GADL1: variants seen among roughly 807,000 people sequenced by gnomAD.
The protein encoded by GADL1 is GAD like acidic amino acid decarboxylase 1, also known as acidic amino acid decarboxylase GADL1.
Under a neutral mutation model 69.5 loss-of-function variants are expected in GADL1, and 71 were observed. That is an observed-to-expected ratio of 1.02 (90% CI 0.84 to 1.25). The LOEUF is 1.25. Ranked by LOEUF, GADL1 falls within the 50% of genes most tolerant of loss-of-function variation. The probability of loss-of-function intolerance (pLI) is 0.00; values close to 1 mark genes in which losing one functional copy is unlikely to be tolerated. For missense variants in GADL1, 737 were observed against 631.8 expected, an observed-to-expected ratio of 1.17 and a Z score of -1.79; for synonymous variants, 254 against 214.4, an observed-to-expected ratio of 1.18 and a Z score of -1.62.
intron 14 of GADL1, among the ~76,000 whole-genome samples, chr3:30,740,311 T>C (rs906432243): frequency 3.9e-5 from 6 of 152,296 alleles, no homozygotes; most frequent in African/African-American, 1.4e-4. Flanking sequence ...AACTGCAAAA[T>C]AGCCCTCAAG....
rs1468189287 is a variant in GADL1, at chr3:30,727,166, A to C, written c.*1076T>G. ...ATATGTATATATGTATATCACAGAA[A>C]CATATATATTTCCCAAATTTTTCTT... is the stretch of plus-strand genomic sequence containing the variant. On this transcript the variant is annotated 3_prime_UTR_variant, in exon 15 of 15. Coordinates refer to ENST00000282538, the MANE Select transcript of GADL1 (RefSeq NM_207359.3). 2.0e-5 allele frequency: 2 copies of C among 101,130 alleles called. No individual in the cohort carries two copies. Among genetic ancestry groups the C allele is most frequent in the Non-Finnish European group, 4.0e-5 (2 of 50,388 alleles). The allele number at this position is 101,130 out of a possible 1,614,324, so 6.3% of individuals were successfully genotyped here. A position where few individuals can be genotyped will look rare whatever the true frequency, so the allele number is the denominator to read the frequency against.
intron 3 of GADL1, among the ~76,000 whole-genome samples, chr3:30,856,048 C>T (rs189159844): frequency 6.6e-6 from 1 of 151,932 alleles, no homozygotes; most frequent in East Asian, 1.9e-4. Flanking sequence ...GAAAAATCTA[C>T]TGCATTAAAT....
chr3:30,790,086 GC>G (rs1462252322), intron 12 of GADL1, among the ~76,000 whole-genome samples: 1 of 152,116 alleles, frequency 6.6e-6, no homozygotes, highest in African/African-American at 2.4e-5. Flanking sequence ...TCCTCACTAA[GC>G]TTTAACCATT....
intron 13 of GADL1, among the ~76,000 whole-genome samples, chr3:30,781,185 A>C (rs1696656801): frequency 1.3e-5 from 2 of 152,188 alleles, no homozygotes; most frequent in Admixed American, 6.5e-5. Context: ...ATCTTTAAAA[A>C]ATTCATGATA....
At chr3:30,891,105 C>G (rs1176202440) in intron 1 of GADL1, among the ~76,000 whole-genome samples, 1 of 151,512 alleles carries the variant, frequency 6.6e-6, no homozygotes, top group Non-Finnish European at 1.5e-5. Context: ...TCTGCCTGCT[C>G]CCAGGGTACT....
intron 1 of GADL1, among the ~76,000 whole-genome samples, chr3:30,862,603 AT>A (rs748894434): frequency 2.0e-5 from 3 of 152,008 alleles, no homozygotes; most frequent in African/African-American, 7.2e-5. Flanking sequence ...CAAGGAAGAG[AT>A]AATGCATTTC....
At chr3:30,834,374 A>G (rs1424685241) in intron 9 of GADL1, 93 bp from the exon 10 acceptor site, 1 of 944,796 alleles carries the variant, frequency 1.1e-6, no homozygotes, top group Non-Finnish European at 1.7e-6. Flanking sequence ...GAGGACCTCA[A>G]TCTGCATTAT....
At chr3:30,762,851 T>C (rs997577398) in intron 14 of GADL1, among the ~76,000 whole-genome samples, 2 of 148,012 alleles carry the variant, frequency 1.4e-5, no homozygotes, top group African/African-American at 2.5e-5. Flanking sequence ...TAGTCTTTCT[T>C]TTCCTTGCTT....
Position 30,839,050 on chromosome 3 carries a change from G to C in GADL1, c.850C>G (p.Leu284Val). 6.2e-7 allele frequency: 1 copy of C among 1,607,644 alleles called. No individual in the cohort carries two copies. The highest frequency in any genetic ancestry group is 8.5e-7 in the Non-Finnish European group (1 of 1,177,524). ...TCGCAGATGTCTGCTATTTCATCCA[G>C]AGGGTCAAAAGCTCCCAACACAGTT... is the stretch of plus-strand genomic sequence containing the variant. ...GTTVLGAFDP[L>V]DEIADICERH... Residue 284 changes from leucine to valine, a missense_variant, in exon 9 of 15, where the codon CTG becomes GTG. By Grantham distance (32) the Leu-to-Val change is conservative (BLOSUM62 1). Coordinates refer to ENST00000282538, the MANE Select transcript of GADL1 (RefSeq NM_207359.3).
chr3:30,751,160 A>G (rs1450328219), intron 14 of GADL1, among the ~76,000 whole-genome samples: 1 of 152,130 alleles, frequency 6.6e-6, no homozygotes, highest in Non-Finnish European at 1.5e-5. Context: ...ATAACAAGAC[A>G]GGAGTTTCCA....
intron 14 of GADL1, among the ~76,000 whole-genome samples, chr3:30,770,862 T>G (rs1018406459): frequency 4.6e-5 from 7 of 152,166 alleles, no homozygotes; most frequent in African/African-American, 1.7e-4. Context: ...AAATTTATAA[T>G]GAGGACATCT....
intron 14 of GADL1, among the ~76,000 whole-genome samples, chr3:30,756,137 G>A (rs1428021617): frequency 1.3e-5 from 2 of 152,170 alleles, no homozygotes; most frequent in Non-Finnish European, 2.9e-5. Flanking sequence ...ACTCTTCGGG[G>A]CACAGGATCT....
At chr3:30,822,276 G>A (rs934309374) in intron 11 of GADL1, among the ~76,000 whole-genome samples, 1 of 152,042 alleles carries the variant, frequency 6.6e-6, no homozygotes, top group Non-Finnish European at 1.5e-5. Context: ...ACTGTTGTAA[G>A]AGGTGTCTGG....
At chr3:30,814,742 A>T (rs1250380596) in intron 11 of GADL1, among the ~76,000 whole-genome samples, 3 of 151,976 alleles carry the variant, frequency 2.0e-5, no homozygotes, top group East Asian at 3.9e-4. Flanking sequence ...ATTCTTGATT[A>T]AAAAAAAGAA....
intron 2 of GADL1, among the ~76,000 whole-genome samples, chr3:30,861,350 G>T (rs1698318486): frequency 7.0e-6 from 1 of 143,794 alleles, no homozygotes; most frequent in African/African-American, 2.5e-5. Flanking sequence ...ATGTGATTAA[G>T]CTCTAGGGTC....
intron 14 of GADL1, among the ~76,000 whole-genome samples, chr3:30,771,356 C>T (rs796647609): frequency 6.6e-6 from 1 of 152,156 alleles, no homozygotes; most frequent in African/African-American, 2.4e-5. Flanking sequence ...CTCTACCTGA[C>T]AGAATACTTA....
At chr3:30,760,879 AGAAAG>A (rs1696110172) in intron 14 of GADL1, among the ~76,000 whole-genome samples, 1 of 152,144 alleles carries the variant, frequency 6.6e-6, no homozygotes, top group African/African-American at 2.4e-5. Flanking sequence ...GTCATTTGGT[AGAAAG>A]GAAAGGACAT....
rs34788058 is a variant in GADL1 at position 30,805,734 on chromosome 3, C to CTTTTTTTTTTTTT, written c.1051-4659_1051-4647dup. On this transcript the variant is annotated intron_variant, in intron 11 of 14. Coordinates refer to ENST00000282538, the MANE Select transcript of GADL1 (RefSeq NM_207359.3). ...ATTCTGTGCACCAGCAGTCCCCAGC[C>CTTTTTTTTTTTTT]TTTTTTTTTTTTTTTTTTTTTTTTG... Among the ~76,000 whole-genome samples, 13 of 66,092 alleles carry CTTTTTTTTTTTTT rather than the reference C, an allele frequency of 2.0e-4. 1 individual carries two copies. The highest frequency in any genetic ancestry group is 1.0e-3 in the African/African-American group (12 of 11,836). 43.4% of individuals were successfully genotyped at this position (66,092 alleles called of 152,430 possible).
intron 14 of GADL1, among the ~76,000 whole-genome samples, chr3:30,777,676 C>G (rs1359011985): frequency 6.6e-6 from 1 of 150,700 alleles, no homozygotes; most frequent in African/African-American, 2.5e-5. Flanking sequence ...CACTTCCAAG[C>G]ACATTTTGTT....
Sources: allele counts gnomAD v4.1 joint callset (sites outside exome capture counted in the v4.1 genomes callset), GRCh38; gene constraint gnomAD v4.1.1; transcripts MANE v1.5; gene names NCBI Gene and HGNC (gene_info 2026-07-23, HGNC 2026-07-21).